Variants in MECOM observed in about 807,000 individuals in gnomAD.
MECOM encodes histone-lysine N-methyltransferase MECOM.
A neutral mutation model predicts 116.3 loss-of-function variants in MECOM; 13 were observed. That is an observed-to-expected ratio of 0.11 (90% CI 0.07 to 0.18). The LOEUF (loss-of-function observed/expected upper bound fraction) is 0.18. MECOM is among the 10% of genes least tolerant of loss of function. MECOM has a pLI of 1.00. For synonymous variants in MECOM, 528 were observed against 535.2 expected, an observed-to-expected ratio of 0.99 and a Z score of 0.19; for missense variants, 1,299 against 1,509.0, an observed-to-expected ratio of 0.86 and a Z score of 2.31.
At chr3:169,280,759 A>G (rs1448686468) in intron 2 of MECOM, among the ~76,000 whole-genome samples, 3 of 152,204 alleles carry the variant, frequency 2.0e-5, no homozygotes, top group African/African-American at 7.2e-5. Flanking sequence ...CAGCATAATG[A>G]CATTGTATTT....
In MECOM at chr3:169,513,308, A is replaced by G. The variant is rs564622831; in HGVS notation, c.38-131784T>C. On this transcript the variant is annotated intron_variant, in intron 1 of 16. Transcript: ENST00000651503. ...ACAGTGAAGGCAGATGAATCTGCCC[A>G]TCAAGTGTGATGTGGAGCTCTCTGA... Among the ~76,000 whole-genome samples, 12 of 152,368 alleles carry G rather than the reference A, an allele frequency of 7.9e-5. No individual in the cohort carries two copies. In the South Asian group the frequency reaches 2.5e-3, roughly 32 times the overall value.
At chr3:169,646,017 TA>T (rs1022816127) in intron 1 of MECOM, among the ~76,000 whole-genome samples, 3 of 152,096 alleles carry the variant, frequency 2.0e-5, no homozygotes, top group Non-Finnish European at 4.4e-5. Flanking sequence ...TCCCTAAAAG[TA>T]AAAAAAGAAT....
intron 1 of MECOM, among the ~76,000 whole-genome samples, chr3:169,513,708 C>T (rs1195993080): frequency 6.6e-6 from 1 of 152,140 alleles, no homozygotes; most frequent in Admixed American, 6.5e-5. Context: ...TTTTTGCATG[C>T]ATTACATATA....
At chr3:169,227,846 C>T (rs1293905794) in intron 2 of MECOM, among the ~76,000 whole-genome samples, 1 of 152,182 alleles carries the variant, frequency 6.6e-6, no homozygotes, top group Non-Finnish European at 1.5e-5. Flanking sequence ...AGGAGGGCAG[C>T]ATGACCAAAC....
At chr3:169,521,466 T>G (rs1757344818) in intron 1 of MECOM, among the ~76,000 whole-genome samples, 1 of 152,200 alleles carries the variant, frequency 6.6e-6, no homozygotes, top group African/African-American at 2.4e-5. Context: ...CCACAGCATG[T>G]ACTTTTTCAT....
chr3:169,270,919 TGC>T (rs1179846207), intron 2 of MECOM, among the ~76,000 whole-genome samples: 1 of 152,170 alleles, frequency 6.6e-6, no homozygotes, highest in Non-Finnish European at 1.5e-5. Context: ...TAAAAATTAT[TGC>T]TGGTTTTTAA....
At chr3:169,459,606 A>AT (rs1246658927) in intron 1 of MECOM, among the ~76,000 whole-genome samples, 2 of 152,242 alleles carry the variant, frequency 1.3e-5, no homozygotes, top group Non-Finnish European at 2.9e-5. Flanking sequence ...ATTCATTTTA[A>AT]TTTAAATGAT....
At chr3:169,309,275 T>TA (rs778492727) in intron 2 of MECOM, among the ~76,000 whole-genome samples, 2 of 152,194 alleles carry the variant, frequency 1.3e-5, no homozygotes, top group African/African-American at 2.4e-5. Flanking sequence ...AGTTTAAATT[T>TA]AAAAAATGGT....
chr3:169,373,675 G>A (rs1730528856), intron 2 of MECOM, among the ~76,000 whole-genome samples: 1 of 151,952 alleles, frequency 6.6e-6, no homozygotes, highest in Non-Finnish European at 1.5e-5. Flanking sequence ...GGTATCATGA[G>A]GCAGTTATTA....
rs560731247 is a variant in MECOM at position 169,514,123 on chromosome 3, G to A, written c.38-132599C>T. Among the ~76,000 whole-genome samples, 5 of 152,208 alleles carry A rather than the reference G, an allele frequency of 3.3e-5. No individual in the cohort carries two copies. In the South Asian group the frequency reaches 8.3e-4, roughly 25 times the overall value. On this transcript the variant is annotated intron_variant, in intron 1 of 16. Coordinates refer to ENST00000651503, the MANE Select transcript of MECOM (RefSeq NM_004991.4). ...GAGATGGTCATAAGAAAACCATGTC[G>A]GTAATCTAGCACATACCTTTACATT...
intron 12 of MECOM, among the ~76,000 whole-genome samples, chr3:169,099,181 T>C (rs1006569451): frequency 6.7e-6 from 1 of 148,492 alleles, no homozygotes; most frequent in African/African-American, 2.5e-5. Context: ...TATACCAAAA[T>C]GCTGGTTTGT....
chr3:169,597,954 G>A (rs1419432079), intron 1 of MECOM, among the ~76,000 whole-genome samples: 1 of 152,150 alleles, frequency 6.6e-6, no homozygotes, highest in African/African-American at 2.4e-5. Flanking sequence ...AAAAACTTAG[G>A]CTGTAAATCA....
At chr3:169,433,089 C>T (rs16853725) in intron 1 of MECOM, among the ~76,000 whole-genome samples, 5,481 of 152,188 alleles carry the variant, frequency 0.036, 321 homozygotes, top group African/African-American at 0.12. Flanking sequence ...TTTATAGAAA[C>T]GGTGAGACCC....
intron 2 of MECOM, among the ~76,000 whole-genome samples, chr3:169,379,914 G>A (rs1476195431): frequency 6.6e-6 from 1 of 152,076 alleles, no homozygotes. Context: ...ATCAGTACAC[G>A]TGTCTAAAGG....
chr3:169,343,649 A>G (rs1724919207), intron 2 of MECOM, among the ~76,000 whole-genome samples: 1 of 152,204 alleles, frequency 6.6e-6, no homozygotes, highest in African/African-American at 2.4e-5. Context: ...AATTTAAATC[A>G]CTGCCTAAAT....
chr3:169,518,757 G>T (rs1757006197), intron 1 of MECOM, among the ~76,000 whole-genome samples: 1 of 152,132 alleles, frequency 6.6e-6, no homozygotes, highest in Admixed American at 6.5e-5. Flanking sequence ...CCTTATGGGA[G>T]GTGATTGAAT....
intron 10 of MECOM, among the ~76,000 whole-genome samples, chr3:169,104,596 A>C (rs1017022478): frequency 6.6e-6 from 1 of 152,192 alleles, no homozygotes; most frequent in South Asian, 2.1e-4. Flanking sequence ...TTCATTATCT[A>C]GTGGTTTTAA....
At chr3:169,385,826 C>T (rs1010675789) in intron 1 of MECOM, among the ~76,000 whole-genome samples, 8 of 152,178 alleles carry the variant, frequency 5.3e-5, no homozygotes, top group Admixed American at 4.6e-4. Context: ...AGATATCACA[C>T]TGACAGATTG....
chr3:169,225,589 C>T (rs1752632640), intron 2 of MECOM, among the ~76,000 whole-genome samples: 1 of 152,190 alleles, frequency 6.6e-6, no homozygotes, highest in South Asian at 2.1e-4. Context: ...AAATATTAGG[C>T]AGCTCGTCCT....
Sources: allele counts gnomAD v4.1 joint callset (sites outside exome capture counted in the v4.1 genomes callset), GRCh38; gene constraint gnomAD v4.1.1; transcripts MANE v1.5; gene names NCBI Gene and HGNC (gene_info 2026-07-23, HGNC 2026-07-21).